RGL1: variants seen among roughly 807,000 people sequenced by gnomAD.
RGL1 encodes ral guanine nucleotide dissociation stimulator-like 1.
RGL1 carries 24 observed loss-of-function variants against 95.2 expected under a neutral mutation model. The observed-to-expected ratio is 0.25, with a 90% confidence interval of 0.18 to 0.35. The LOEUF (loss-of-function observed/expected upper bound fraction) is 0.35. RGL1 is among the 10% of genes least tolerant of loss of function. The probability of loss-of-function intolerance (pLI) is 1.00; values close to 1 mark genes in which losing one functional copy is unlikely to be tolerated. For synonymous variants in RGL1, 329 were observed against 344.9 expected, an observed-to-expected ratio of 0.95 and a Z score of 0.51; for missense variants, 715 against 936.3, an observed-to-expected ratio of 0.76 and a Z score of 3.08.
chr1:183,899,226 T>G (rs919168057), intron 10 of RGL1, among the ~76,000 whole-genome samples: 2 of 152,236 alleles, frequency 1.3e-5, no homozygotes. Context: ...AAACTGACAC[T>G]GGCATAATAC....
At chr1:183,689,238 A>G (rs1653796030) in intron 1 of RGL1, among the ~76,000 whole-genome samples, 1 of 152,198 alleles carries the variant, frequency 6.6e-6, no homozygotes, top group African/African-American at 2.4e-5. Context: ...AGTAAATTAA[A>G]AAATATATAT....
chr1:183,815,149 C>G (rs1228959327), intron 2 of RGL1, among the ~76,000 whole-genome samples: 2 of 152,114 alleles, frequency 1.3e-5, no homozygotes, highest in East Asian at 3.9e-4. Flanking sequence ...TGGCATGTGC[C>G]TGTAATCCCA....
chr1:183,854,835 AT>A lies in RGL1; in HGVS notation c.347+7062del, dbSNP rs1665035474. ...TTTCCTCATCTATAAAATAACAAAA[AT>A]AGCACCTAATTTATAGAGTTATTAT... is the stretch of plus-strand genomic sequence containing the variant. On this transcript the variant is annotated intron_variant, in intron 3 of 17. Coordinates refer to ENST00000360851, the MANE Select transcript of RGL1 (RefSeq NM_001297671.3). Among the ~76,000 whole-genome samples, 5 of 152,330 alleles carry A rather than the reference AT, an allele frequency of 3.3e-5. No individual in the cohort carries two copies. In the South Asian group the frequency reaches 1.0e-3, roughly 32 times the overall value.
rs78646275 is a variant in RGL1 at position 183,908,809 on chromosome 1, G to T, written c.1562+1708G>T. Among the ~76,000 whole-genome samples the T allele has an allele frequency of 3.7e-3, 567 of 152,318 alleles. 4 individuals carry two copies. Among genetic ancestry groups the T allele is most frequent in the African/African-American group, 0.013 (530 of 41,558 alleles). On this transcript the variant is annotated intron_variant, in intron 14 of 17. Coordinates refer to ENST00000360851, the MANE Select transcript of RGL1 (RefSeq NM_001297671.3). ...AAGGAAAAAAACAAAAATTCTCAAT[G>T]CAGGCAGGCCTAATCCTGCGTCCTG...
chr1:183,786,438 G>T (rs1285863424), intron 2 of RGL1, among the ~76,000 whole-genome samples: 1 of 152,112 alleles, frequency 6.6e-6, no homozygotes, highest in Non-Finnish European at 1.5e-5. Context: ...CTTGAGACCA[G>T]AAATGTTTCA....
intron 1 of RGL1, among the ~76,000 whole-genome samples, chr1:183,668,743 C>T (rs1480654865): frequency 6.6e-6 from 1 of 151,934 alleles, no homozygotes; most frequent in Non-Finnish European, 1.5e-5. Context: ...GGATTGGTGT[C>T]TAACATTAAT....
At chr1:183,909,799 G>A (rs1668541672) in intron 14 of RGL1, among the ~76,000 whole-genome samples, 2 of 152,218 alleles carry the variant, frequency 1.3e-5, no homozygotes, top group Middle Eastern at 3.4e-3. Context: ...CTTGCATGCC[G>A]TTCCTTCTTA....
intron 1 of RGL1, among the ~76,000 whole-genome samples, chr1:183,683,993 C>G (rs1315488948): frequency 7.9e-5 from 12 of 152,082 alleles, no homozygotes; most frequent in African/African-American, 2.9e-4. Flanking sequence ...ACAAAGTTCT[C>G]GTGCTGTGTT....
chr1:183,728,338 T>C (rs1245119654), intron 1 of RGL1, among the ~76,000 whole-genome samples: 1 of 152,164 alleles, frequency 6.6e-6, no homozygotes, highest in African/African-American at 2.4e-5. Flanking sequence ...TGGTCTGACT[T>C]CTCAGCCTCC....
intron 1 of RGL1, among the ~76,000 whole-genome samples, chr1:183,710,594 G>C (rs1356984433): frequency 1.3e-5 from 2 of 152,182 alleles, no homozygotes; most frequent in Non-Finnish European, 1.5e-5. Flanking sequence ...TCATAGTTCT[G>C]CCTGGCTAGA....
chr1:183,789,082 T>C (rs915650704), intron 2 of RGL1, among the ~76,000 whole-genome samples: 3 of 152,208 alleles, frequency 2.0e-5, no homozygotes, highest in African/African-American at 7.2e-5. Flanking sequence ...GTAGTGTAAG[T>C]GCTTTGTCTG....
chr1:183,926,329 G>A lies in RGL1; in HGVS notation c.*37G>A. The A allele has an allele frequency of 6.4e-7, 1 of 1,558,512 alleles. No homozygotes were observed. Among genetic ancestry groups the A allele is most frequent in the Non-Finnish European group, 8.7e-7 (1 of 1,147,008 alleles). On this transcript the variant is annotated 3_prime_UTR_variant, in exon 18 of 18. Coordinates refer to ENST00000360851, the MANE Select transcript of RGL1 (RefSeq NM_001297671.3). ...AGTGGCCCCTTGTTTGCCAAAGGCA[G>A]AGTGGGGCTGAGAAACAGGCTGCGG...
At chr1:183,849,004 TATC>T (rs1406374305) in intron 3 of RGL1, among the ~76,000 whole-genome samples, 3 of 152,206 alleles carry the variant, frequency 2.0e-5, no homozygotes, top group Non-Finnish European at 4.4e-5. Context: ...TTTATATATT[TATC>T]ATATGACACA....
intron 1 of RGL1, among the ~76,000 whole-genome samples, chr1:183,683,660 G>A (rs774116431): frequency 6.6e-6 from 1 of 152,110 alleles, no homozygotes; most frequent in Non-Finnish European, 1.5e-5. Context: ...TGCTCTTCTC[G>A]AGGAGTGTCT....
intron 2 of RGL1, among the ~76,000 whole-genome samples, chr1:183,808,761 C>G (rs1572439218): frequency 7.0e-6 from 1 of 143,096 alleles, no homozygotes; most frequent in Non-Finnish European, 1.5e-5. Flanking sequence ...CTCTCTCTCT[C>G]TTTTTTTTTT....
At chr1:183,822,767 A>T (rs1558229121) in intron 2 of RGL1, among the ~76,000 whole-genome samples, 1 of 152,234 alleles carries the variant, frequency 6.6e-6, no homozygotes, top group Non-Finnish European at 1.5e-5. Context: ...TAGGAAAATC[A>T]TAGGATTTTA....
intron 1 of RGL1, among the ~76,000 whole-genome samples, chr1:183,683,490 G>T (rs141956327): frequency 0.081 from 12,333 of 152,158 alleles, 922 homozygotes; most frequent in African/African-American, 0.2. Context: ...TTGAATATTG[G>T]TCCCCACTCT....
chr1:183,771,665 A>C (rs1659279395), intron 2 of RGL1, among the ~76,000 whole-genome samples: 1 of 152,194 alleles, frequency 6.6e-6, no homozygotes, highest in Non-Finnish European at 1.5e-5. Context: ...GTTCCTTTAA[A>C]TGATATGGAA....
chr1:183,910,199 C>G (rs1359586570), intron 14 of RGL1, among the ~76,000 whole-genome samples: 2 of 152,118 alleles, frequency 1.3e-5, no homozygotes, highest in Admixed American at 1.3e-4. Context: ...TGGGTTCATG[C>G]AATTCTTGTG....
Sources: allele counts gnomAD v4.1 joint callset (sites outside exome capture counted in the v4.1 genomes callset), GRCh38; gene constraint gnomAD v4.1.1; transcripts MANE v1.5; gene names NCBI Gene and HGNC (gene_info 2026-07-23, HGNC 2026-07-21).